The following ERBB4 variants were observed in gnomAD, a reference collection of about 807,000 sequenced individuals.
The protein encoded by ERBB4 is erb-b2 receptor tyrosine kinase 4.
ERBB4 carries 42 observed loss-of-function variants against 158.0 expected under a neutral mutation model. The ratio of observed to expected loss-of-function variants is 0.27; its 90% confidence interval spans 0.21 to 0.34. The LOEUF is 0.34. ERBB4 is among the 10% of genes least tolerant of loss of function. The pLI is 1.00. For synonymous variants in ERBB4, 583 were observed against 558.7 expected (o/e 1.04, Z -0.61); for missense variants, 1,333 against 1,624.1 (o/e 0.82, Z 3.08).
At position 211,434,175 on chromosome 2, in the gene ERBB4, T is replaced by G. The variant is rs568454994; in HGVS notation, c.2488-3075A>C. On this transcript the variant is annotated intron_variant, in intron 20 of 27. Transcript: ENST00000342788. ...AATATCATTTTTATATTTCTTAAAC[T>G]TATGCAGGAAGAGTGATATGTACTT... 1.7e-4 allele frequency among the ~76,000 whole-genome samples: 26 copies of G among 152,266 alleles called. No homozygotes were observed. In the South Asian group the frequency reaches 3.3e-3, roughly 19 times the overall value.
chr2:211,591,105 C>T (rs1043185225), intron 19 of ERBB4, among the ~76,000 whole-genome samples: 1 of 152,066 alleles, frequency 6.6e-6, no homozygotes, highest in Admixed American at 6.6e-5. Flanking sequence ...TAGTGGCTAC[C>T]CAGCAAATTA....
At chr2:211,773,865 G>A (rs1368596781) in intron 4 of ERBB4, among the ~76,000 whole-genome samples, 4 of 151,268 alleles carry the variant, frequency 2.6e-5, no homozygotes, top group Admixed American at 2.0e-4. Context: ...TTGAACAAAC[G>A]AATCTTCAAT....
chr2:211,438,385 C>A (rs1394368651), intron 20 of ERBB4, among the ~76,000 whole-genome samples: 1 of 152,046 alleles, frequency 6.6e-6, no homozygotes, highest in African/African-American at 2.4e-5. Context: ...TTAGTGCATC[C>A]TAATTTTAAA....
At chr2:211,409,361 C>T (rs537023283) in intron 25 of ERBB4, among the ~76,000 whole-genome samples, 6 of 152,194 alleles carry the variant, frequency 3.9e-5, no homozygotes, top group Non-Finnish European at 8.8e-5. Flanking sequence ...TGTAAAAAAG[C>T]TCCAAGCAGA....
Position 211,529,140 on chromosome 2 carries a change from TA to T in ERBB4, c.2487+32762del, listed in dbSNP as rs1276453076. Among the ~76,000 whole-genome samples, 506 of 131,864 alleles carry T rather than the reference TA, an allele frequency of 3.8e-3. 4 individuals carry two copies. Among genetic ancestry groups the T allele is most frequent in the African/African-American group, 9.8e-3 (364 of 37,112 alleles). 86.5% of individuals were successfully genotyped at this position (131,864 alleles called of 152,430 possible). A position where few individuals can be genotyped will look rare whatever the true frequency, so the allele number is the denominator to read the frequency against. On this transcript the variant is annotated intron_variant, in intron 20 of 27. Coordinates refer to ENST00000342788, the MANE Select transcript of ERBB4 (RefSeq NM_005235.3). ...AATAAAAAAGAGAGGAGACCCAAAT[TA>T]AAAAAAAAAAATTAGAGATGAAAAA...
At chr2:212,395,853 G>C (rs954062641) in intron 1 of ERBB4, among the ~76,000 whole-genome samples, 1 of 151,932 alleles carries the variant, frequency 6.6e-6, no homozygotes, top group South Asian at 2.1e-4. Flanking sequence ...TCTTGACCTC[G>C]TGATCTGCCT....
intron 1 of ERBB4, among the ~76,000 whole-genome samples, chr2:212,521,561 C>A (rs951038690): frequency 4.6e-5 from 7 of 151,820 alleles, no homozygotes; most frequent in Non-Finnish European, 2.9e-5. Flanking sequence ...TTGCCTTTAA[C>A]TGCCCTAGTT....
Position 212,538,619 on chromosome 2 carries a change from G to T in ERBB4, c.-89C>A. On this transcript the variant is annotated 5_prime_UTR_variant, in exon 1 of 28. Transcript: ENST00000342788. ...GCACGCGGAGGAGATCCCCCAGCCG[G>T]GCGCGCGTGGGGGTGCGAGGGGGGC... The T allele has an allele frequency of 1.5e-6, 2 of 1,374,082 alleles. No individual in the cohort carries two copies. The highest frequency in any genetic ancestry group is 2.1e-6 in the Non-Finnish European group (2 of 966,418). The allele number at this position is 1,374,082 out of a possible 1,614,324, so 85.1% of individuals were successfully genotyped here.
intron 1 of ERBB4, among the ~76,000 whole-genome samples, chr2:212,338,634 A>G (rs2088561904): frequency 6.6e-6 from 1 of 152,180 alleles, no homozygotes; most frequent in Non-Finnish European, 1.5e-5. Flanking sequence ...ATATACCTAC[A>G]CAACTCATTG....
chr2:211,583,836 G>A (rs976384274), intron 19 of ERBB4, among the ~76,000 whole-genome samples: 4 of 150,942 alleles, frequency 2.7e-5, no homozygotes, highest in African/African-American at 7.3e-5. Context: ...TTGTATAATT[G>A]TTGCTGTATT....
chr2:211,529,074 AAAC>A (rs1166185857), intron 20 of ERBB4, among the ~76,000 whole-genome samples: 2 of 151,740 alleles, frequency 1.3e-5, no homozygotes, highest in Non-Finnish European at 2.9e-5. Context: ...GGTTTTTTTG[AAAC>A]AATAAACAAA....
intron 1 of ERBB4, among the ~76,000 whole-genome samples, chr2:212,181,868 G>A (rs2081877253): frequency 6.6e-6 from 1 of 151,606 alleles, no homozygotes; most frequent in African/African-American, 2.4e-5. Context: ...CCACAAAGGG[G>A]CAGTTACTTT....
chr2:212,488,137 T>G (rs539420771), intron 1 of ERBB4, among the ~76,000 whole-genome samples: 1 of 152,148 alleles, frequency 6.6e-6, no homozygotes, highest in South Asian at 2.1e-4. Context: ...CTATGGATGA[T>G]ATCTAATTTT....
intron 1 of ERBB4, among the ~76,000 whole-genome samples, chr2:212,351,574 A>G (rs1418323843): frequency 6.6e-6 from 1 of 152,144 alleles, no homozygotes; most frequent in Non-Finnish European, 1.5e-5. Flanking sequence ...GTGCTGTGCA[A>G]TATTTTGCCA....
In ERBB4 at chr2:212,038,225, T is replaced by C. The variant is rs76977762; in HGVS notation, c.234+86527A>G. Reference sequence around the variant, plus strand: ...TATAAATACAATATAAAATTCATTATCCTAGAATATAATCTATTATATATT... The same window carrying C: ...TATAAATACAATATAAAATTCATTACCCTAGAATATAATCTATTATATATT... On this transcript the variant is annotated intron_variant, in intron 2 of 27. Transcript: ENST00000342788. Among the ~76,000 whole-genome samples the C allele has an allele frequency of 5.5e-4, 84 of 152,162 alleles. No homozygotes were observed. The East Asian group carries it at 0.015, about 27-fold the overall frequency.
chr2:212,218,866 A>G (rs2105946903), intron 1 of ERBB4, among the ~76,000 whole-genome samples: 1 of 151,462 alleles, frequency 6.6e-6, no homozygotes, highest in African/African-American at 2.4e-5. Context: ...TTTCCCAAAG[A>G]TAGCCATGTT....
At chr2:211,642,258 T>C (rs1023221585) in intron 16 of ERBB4, among the ~76,000 whole-genome samples, 1 of 152,144 alleles carries the variant, frequency 6.6e-6, no homozygotes, top group Admixed American at 6.6e-5. Flanking sequence ...AATGGTTTTC[T>C]TGCTGCCAAA....
chr2:212,238,414 C>A (rs1217459434), intron 1 of ERBB4, among the ~76,000 whole-genome samples: 2 of 152,160 alleles, frequency 1.3e-5, no homozygotes, highest in Non-Finnish European at 2.9e-5. Context: ...CAACCACTGT[C>A]TAACCAGTCC....
chr2:212,278,035 T>C (rs1673150392), intron 1 of ERBB4, among the ~76,000 whole-genome samples: 1 of 151,754 alleles, frequency 6.6e-6, no homozygotes, highest in South Asian at 2.1e-4. Context: ...CGATTGTTGA[T>C]TGAAAAAATG....
Sources: gnomAD v4.1 joint callset for allele counts (sites outside exome capture counted in the v4.1 genomes callset) on GRCh38, gnomAD v4.1.1 for gene constraint, MANE v1.5 for transcripts, NCBI Gene and HGNC (gene_info 2026-07-23, HGNC 2026-07-21) for gene names.